The following CCSER1 variants were observed in gnomAD, a reference collection of about 807,000 sequenced individuals.
The protein encoded by CCSER1 is coiled-coil serine rich protein 1, also known as serine-rich coiled-coil domain-containing protein 1.
CCSER1 carries 41 observed loss-of-function variants against 82.0 expected under a neutral mutation model. The observed-to-expected ratio is 0.50, with a 90% CI of 0.39 to 0.65. The LOEUF is 0.65. Ranked by LOEUF, CCSER1 falls within the 30% of genes least tolerant of loss-of-function variation. The pLI is 0.00. For synonymous variants in CCSER1, 414 were observed against 383.9 expected (o/e 1.08, Z -0.92); for missense variants, 1,119 against 1,064.2 (o/e 1.05, Z -0.72).
At chr4:90,393,713 G>T (rs1198247562) in intron 3 of CCSER1, among the ~76,000 whole-genome samples, 1 of 150,390 alleles carries the variant, frequency 6.6e-6, no homozygotes, top group African/African-American at 2.4e-5. Context: ...TATTAATAAA[G>T]AGATTCATGA....
chr4:91,431,651 GA>G (rs1291241864), intron 10 of CCSER1, among the ~76,000 whole-genome samples: 1 of 151,992 alleles, frequency 6.6e-6, no homozygotes. Context: ...ATTTTTAGTA[GA>G]AATGGGGTTT....
Position 91,603,570 on chromosome 4 carries a change from T to C in CCSER1, c.*4513T>C, listed in dbSNP as rs1764885673. 1 of 152,130 alleles carries C rather than the reference T, an allele frequency of 6.6e-6. No homozygotes were observed. Among genetic ancestry groups the C allele is most frequent in the Non-Finnish European group, 1.5e-5 (1 of 67,998 alleles). The allele number at this position is 152,130 out of a possible 1,614,324, so 9.4% of individuals were successfully genotyped here. A position where few individuals can be genotyped will look rare whatever the true frequency, so the allele number is the denominator to read the frequency against. On this transcript the variant is annotated 3_prime_UTR_variant, in exon 11 of 11. Coordinates refer to ENST00000509176, the MANE Select transcript of CCSER1 (RefSeq NM_001145065.2). ...TGATCTAGAATATGGGATACCACGG[T>C]TCTTTTTAGAGCATTTTCAGTGTAG... is the stretch of plus-strand genomic sequence containing the variant.
intron 1 of CCSER1, among the ~76,000 whole-genome samples, chr4:90,289,636 G>A (rs1381836692): frequency 6.6e-6 from 1 of 151,798 alleles, no homozygotes; most frequent in Admixed American, 6.6e-5. Context: ...ATGCAAATAA[G>A]TTTATTAAGA....
intron 4 of CCSER1, among the ~76,000 whole-genome samples, chr4:90,411,677 C>T (rs1372259438): frequency 6.6e-6 from 1 of 152,156 alleles, no homozygotes; most frequent in African/African-American, 2.4e-5. Context: ...ACTGAATGGA[C>T]AAAAACTGGA....
chr4:90,227,891 A>C (rs1260780215), intron 1 of CCSER1, among the ~76,000 whole-genome samples: 3 of 152,192 alleles, frequency 2.0e-5, no homozygotes, highest in Non-Finnish European at 4.4e-5. Context: ...GGTCACTTCC[A>C]CCCGAATACA....
chr4:90,571,425 C>T (rs1456949842), intron 5 of CCSER1, among the ~76,000 whole-genome samples: 1 of 152,172 alleles, frequency 6.6e-6, no homozygotes, highest in Non-Finnish European at 1.5e-5. Context: ...TCACGTCAAT[C>T]ATGTTCCATG....
At chr4:90,321,240 C>T (rs914994648) in intron 3 of CCSER1, among the ~76,000 whole-genome samples, 3 of 152,136 alleles carry the variant, frequency 2.0e-5, no homozygotes, top group Admixed American at 2.0e-4. Flanking sequence ...TGTTACCCAT[C>T]ATTCTATTCT....
At chr4:91,555,956 C>T (rs1211832160) in intron 10 of CCSER1, among the ~76,000 whole-genome samples, 3 of 151,150 alleles carry the variant, frequency 2.0e-5, no homozygotes, top group East Asian at 1.9e-4. Context: ...TGAAATGAAA[C>T]GGTCAAACCC....
intron 10 of CCSER1, among the ~76,000 whole-genome samples, chr4:91,209,999 T>G (rs1736676992): frequency 6.6e-6 from 1 of 151,592 alleles, no homozygotes; most frequent in Non-Finnish European, 1.5e-5. Flanking sequence ...AAACAAGGGC[T>G]TACTGAGGAA....
intron 9 of CCSER1, among the ~76,000 whole-genome samples, chr4:90,950,202 C>CT (rs1354123397): frequency 6.6e-6 from 1 of 152,050 alleles, no homozygotes; most frequent in East Asian, 1.9e-4. Flanking sequence ...ATTAAAAAGT[C>CT]AATAGACATC....
intron 10 of CCSER1, among the ~76,000 whole-genome samples, chr4:91,594,336 CATATATATACAT>C (rs1419518438): frequency 8.3e-5 from 12 of 144,254 alleles, no homozygotes; most frequent in Non-Finnish European, 1.1e-4. Context: ...TATGTACACA[CATATATATACAT>C]ATATATACAC....
At chr4:90,516,772 C>A (rs560078153) in intron 5 of CCSER1, among the ~76,000 whole-genome samples, 16 of 152,266 alleles carry the variant, frequency 1.1e-4, no homozygotes, top group Non-Finnish European at 2.1e-4. Context: ...AACGATCATG[C>A]TATGCCTTTA....
intron 10 of CCSER1, among the ~76,000 whole-genome samples, chr4:91,297,365 TTGTGTGTGTGTGTGTGTGTATGTGTGTG>T (rs946046058): frequency 1.6e-5 from 2 of 128,814 alleles, no homozygotes; most frequent in African/African-American, 3.0e-5. Context: ...GAATGGATGC[TTGTGTGTGTGTGTGTGTGTATGTGTGTG>T]TGTGTGTGTG....
At chr4:90,962,240 AT>A (rs947493396) in intron 9 of CCSER1, among the ~76,000 whole-genome samples, 3 of 152,092 alleles carry the variant, frequency 2.0e-5, no homozygotes, top group Non-Finnish European at 2.9e-5. Context: ...GTAAAAAAAA[AT>A]CTCTTAGTAA....
At chr4:91,482,360 C>T (rs1369826071) in intron 10 of CCSER1, among the ~76,000 whole-genome samples, 1 of 80,018 alleles carries the variant, frequency 1.2e-5, no homozygotes, top group Non-Finnish European at 2.4e-5. Flanking sequence ...CGAGATTGCG[C>T]CACTGCAGTC....
At chr4:90,195,857 A>C (rs1736492283) in intron 1 of CCSER1, among the ~76,000 whole-genome samples, 1 of 152,144 alleles carries the variant, frequency 6.6e-6, no homozygotes, top group Non-Finnish European at 1.5e-5. Context: ...GGATAGGAGC[A>C]AACTGTTGGA....
At chr4:90,179,618 A>G (rs1300692172) in intron 1 of CCSER1, among the ~76,000 whole-genome samples, 2 of 152,198 alleles carry the variant, frequency 1.3e-5, no homozygotes, top group Non-Finnish European at 2.9e-5. Context: ...TCTGGCCTCA[A>G]GAGATCCTCT....
In CCSER1 at chr4:90,535,869, C is replaced by A. The variant is rs910107490; in HGVS notation, c.1724+67515C>A. 2.0e-5 allele frequency among the ~76,000 whole-genome samples: 3 copies of A among 152,124 alleles called. No individual in the cohort carries two copies. In the South Asian group the frequency reaches 6.2e-4, roughly 32 times the overall value. On this transcript the variant is annotated intron_variant, in intron 5 of 10. Transcript: ENST00000509176. The stretch of plus-strand genomic sequence containing the variant: ...CTCAGATGCTTTGCTTTGACTTGAG[C>A]AAATCCTATTAATCACATTAATTAC...
In CCSER1 at chr4:91,254,833, A is replaced by C. The variant is rs563414165; in HGVS notation, c.2217+168839A>C. On this transcript the variant is annotated intron_variant, in intron 10 of 10. Transcript: ENST00000509176. ...TAAAAATCATTTCTATTTTCTAATAATTTCAATATTTGACTGGAAGTAGCA... is the reference window on the plus strand; with the variant it reads ...TAAAAATCATTTCTATTTTCTAATACTTTCAATATTTGACTGGAAGTAGCA... Among the ~76,000 whole-genome samples, 6 of 152,248 alleles carry C rather than the reference A, an allele frequency of 3.9e-5. No individual in the cohort carries two copies. In the South Asian group the frequency reaches 1.2e-3, roughly 32 times the overall value.
Sources: gnomAD v4.1 joint callset for allele counts (sites outside exome capture counted in the v4.1 genomes callset) on GRCh38, gnomAD v4.1.1 for gene constraint, MANE v1.5 for transcripts, NCBI Gene and HGNC (gene_info 2026-07-23, HGNC 2026-07-21) for gene names.